Variants in PPP2R5C observed in about 807,000 individuals in gnomAD.
PPP2R5C encodes protein phosphatase 2 regulatory subunit B'gamma, also known as serine/threonine-protein phosphatase 2A 56 kDa regulatory subunit gamma isoform.
Under a neutral mutation model 68.9 loss-of-function variants are expected in PPP2R5C, and 7 were observed. The observed-to-expected ratio is 0.10, with a 90% confidence interval of 0.06 to 0.19. The LOEUF (loss-of-function observed/expected upper bound fraction) is 0.19. PPP2R5C is among the 10% of genes least tolerant of loss of function. The pLI, the probability that PPP2R5C is intolerant of heterozygous loss-of-function variation, is 1.00. For missense variants in PPP2R5C, 348 were observed against 641.3 expected, an observed-to-expected ratio of 0.54 and a Z score of 4.94; for synonymous variants, 210 against 222.2, an observed-to-expected ratio of 0.95 and a Z score of 0.49.
intron 2 of PPP2R5C, among the ~76,000 whole-genome samples, chr14:101,857,594 T>C (rs1325300540): frequency 6.6e-6 from 1 of 152,248 alleles, no homozygotes; most frequent in Non-Finnish European, 1.5e-5. Context: ...CAGATCTCAG[T>C]CCTCTGAAGT....
rs956625831 is a variant in PPP2R5C, at chr14:101,913,337, T to C, written c.1326+864T>C. Among the ~76,000 whole-genome samples the C allele has an allele frequency of 1.3e-5, 2 of 152,252 alleles. No homozygotes were observed. Among genetic ancestry groups the C allele is most frequent in the Non-Finnish European group, 2.9e-5 (2 of 68,042 alleles). On this transcript the variant is annotated intron_variant, in intron 12 of 13. Transcript: ENST00000334743. This position sits in a 1 kb window ranked among gnomAD's most constrained non-coding sequence, Gnocchi z 4.1. ...GAGAGATATGCATAGTTACCTAAGT[T>C]GGTTTTTAGATTTCTCTGACACTTA...
rs199683769 is a variant in PPP2R5C at position 101,925,131 on chromosome 14, C to T, written c.1444-10C>T. ...GTTTGTAGCCAACGCCATTGCATTT[C>T]TAATTCCAGGCACAGAAAGATCCGA... is the stretch of plus-strand genomic sequence containing the variant. On this transcript the variant is annotated splice_polypyrimidine_tract_variant and intron_variant, in intron 13 of 13. Transcript: ENST00000334743. 35 of 1,613,850 alleles carry T rather than the reference C, an allele frequency of 2.2e-5. No individual in the cohort carries two copies. The Admixed American group carries it at 4.5e-4, about 21-fold the overall frequency.
chr14:101,904,042 A>G (rs570920752), intron 9 of PPP2R5C, among the ~76,000 whole-genome samples: 8 of 152,340 alleles, frequency 5.3e-5, no homozygotes, highest in African/African-American at 1.9e-4. Context: ...GAAAAATTTA[A>G]AGTTTAAACC....
chr14:101,918,233 C>T (rs74081680), intron 13 of PPP2R5C, among the ~76,000 whole-genome samples: 7,345 of 128,902 alleles, frequency 0.057, 335 homozygotes, highest in African/African-American at 0.15. Flanking sequence ...CCAGCAAAAT[C>T]GAAAGCTTCA....
At chr14:101,868,406 GT>G (rs1212629606) in intron 2 of PPP2R5C, among the ~76,000 whole-genome samples, 1 of 152,092 alleles carries the variant, frequency 6.6e-6, no homozygotes, top group Non-Finnish European at 1.5e-5. Flanking sequence ...ATTTTAAAAA[GT>G]TAATCTTTTT....
intron 1 of PPP2R5C, among the ~76,000 whole-genome samples, chr14:101,842,912 G>C (rs1034141189): frequency 6.6e-6 from 1 of 151,938 alleles, no homozygotes; most frequent in Admixed American, 6.5e-5. Flanking sequence ...AGAGAGTGGA[G>C]TTCCATCTTT....
intron 2 of PPP2R5C, among the ~76,000 whole-genome samples, chr14:101,857,882 A>C (rs1490886558): frequency 6.6e-6 from 1 of 152,102 alleles, no homozygotes; most frequent in African/African-American, 2.4e-5. Context: ...AATTGACTGG[A>C]CTTCTTGACC....
intron 8 of PPP2R5C, among the ~76,000 whole-genome samples, chr14:101,901,120 TA>T (rs1395013025): frequency 6.6e-6 from 1 of 152,254 alleles, no homozygotes; most frequent in Non-Finnish European, 1.5e-5. Flanking sequence ...GGATGGTTGA[TA>T]AATTTGAGAA....
chr14:101,901,074 A>G (rs1294411255), intron 8 of PPP2R5C, among the ~76,000 whole-genome samples: 1 of 152,276 alleles, frequency 6.6e-6, no homozygotes, highest in East Asian at 1.9e-4. Context: ...CTGTCTATGC[A>G]TACAGAAGTA....
chr14:101,823,787 T>C lies in PPP2R5C; in HGVS notation c.94+13751T>C. ...CTCTCTGAGCATGCACTGAGCCTGC[T>C]CTTGCAGGTTTCTTTATCACAGGGA... On this transcript the variant is annotated intron_variant, in intron 1 of 13. Coordinates refer to ENST00000334743, the Ensembl canonical transcript of PPP2R5C. 3 of 1,134,056 alleles carry C rather than the reference T, an allele frequency of 2.6e-6. No homozygotes were observed. In the South Asian group the frequency reaches 5.7e-5, roughly 21 times the overall value. 70.2% of individuals were successfully genotyped at this position (1,134,056 alleles called of 1,614,324 possible).
intron 2 of PPP2R5C, among the ~76,000 whole-genome samples, chr14:101,783,575 G>A (rs1265216746): frequency 1.3e-5 from 2 of 152,032 alleles, no homozygotes. Context: ...GGGCCCCTTT[G>A]GAACTGTGCC....
intron 3 of PPP2R5C, among the ~76,000 whole-genome samples, chr14:101,804,175 C>G (rs1281732654): frequency 6.6e-6 from 1 of 152,090 alleles, no homozygotes; most frequent in Admixed American, 6.6e-5. Context: ...CAATGAGATA[C>G]CATCTCATAC....
At chr14:101,769,229 A>G (rs1336511141) in intron 2 of PPP2R5C, among the ~76,000 whole-genome samples, 1 of 151,660 alleles carries the variant, frequency 6.6e-6, no homozygotes, top group Non-Finnish European at 1.5e-5. Flanking sequence ...AAATGCTTAT[A>G]GCAATTACTT....
chr14:101,918,374 C>G (rs2046801393), intron 13 of PPP2R5C, among the ~76,000 whole-genome samples: 1 of 137,356 alleles, frequency 7.3e-6, no homozygotes, highest in Non-Finnish European at 1.6e-5. Context: ...CTCCTTGCCC[C>G]TCCCCCTGTC....
At chr14:101,790,395 AC>A (rs2038302738) in intron 3 of PPP2R5C, among the ~76,000 whole-genome samples, 1 of 152,180 alleles carries the variant, frequency 6.6e-6, no homozygotes, top group Admixed American at 6.5e-5. Context: ...TCCAAAAGTT[AC>A]CTCGTGCCAT....
chr14:101,801,570 G>T (rs1436643856), intron 3 of PPP2R5C, among the ~76,000 whole-genome samples: 2 of 152,146 alleles, frequency 1.3e-5, no homozygotes, highest in African/African-American at 4.8e-5. Context: ...CAGTATTTTA[G>T]AACCATAAAT....
chr14:101,799,439 C>T (rs2038764226), intron 3 of PPP2R5C, among the ~76,000 whole-genome samples: 1 of 152,078 alleles, frequency 6.6e-6, no homozygotes, highest in Non-Finnish European at 1.5e-5. Context: ...ACATATATGC[C>T]CTTTTACGGG....
intron 2 of PPP2R5C, among the ~76,000 whole-genome samples, chr14:101,874,863 C>T (rs2043657770): frequency 6.6e-6 from 1 of 152,138 alleles, no homozygotes. Context: ...CCCCAGCCTC[C>T]AGAGTAGCTG....
At chr14:101,802,951 T>TTA (rs1185890085) in intron 3 of PPP2R5C, among the ~76,000 whole-genome samples, 4 of 99,918 alleles carry the variant, frequency 4.0e-5, no homozygotes, top group African/African-American at 1.5e-4. Flanking sequence ...GGCTACTATT[T>TTA]AAAAAAAAAA....
Sources: gnomAD v4.1 joint callset for allele counts (sites outside exome capture counted in the v4.1 genomes callset) on GRCh38, gnomAD v4.1.1 for gene constraint, Gnocchi (gnomAD v3.1) non-coding constraint, MANE v1.5 for transcripts, NCBI Gene and HGNC (gene_info 2026-07-23, HGNC 2026-07-21) for gene names.